NEXMIF: variants seen among roughly 807,000 people sequenced by gnomAD.
NEXMIF encodes XLMR protein related to neurite extension.
NEXMIF carries 8 observed loss-of-function variants against 62.1 expected under a neutral mutation model. The observed-to-expected ratio is 0.13, with a 90% CI of 0.08 to 0.23. NEXMIF has a LOEUF of 0.23. Among genes scored for constraint, NEXMIF ranks in the 10% least tolerant of loss-of-function variants. NEXMIF has a pLI of 1.00. For missense variants in NEXMIF, 976 were observed against 1,113.3 expected (o/e 0.88, Z 1.75); for synonymous variants, 404 against 416.6 (o/e 0.97, Z 0.37).
At chrX:74,866,115 C>G (rs751088094) in intron 1 of NEXMIF, among the ~76,000 whole-genome samples, 6 of 111,734 alleles carry the variant, frequency 5.4e-5, no homozygotes, top group Non-Finnish European at 1.1e-4. Context: ...AAACTCAAAG[C>G]TAATCGGTGA....
chrX:74,882,507 A>G (rs1276473845), intron 1 of NEXMIF, among the ~76,000 whole-genome samples: 1 of 108,072 alleles, frequency 9.3e-6, no homozygotes. Flanking sequence ...ATATCCCACA[A>G]CTGGCTCGGA....
chrX:74,740,494 A>G lies in NEXMIF; in HGVS notation c.4063T>C (p.Tyr1355His), dbSNP rs371274442. ...TTTAGACTATTGGACTCAGGGGAGT[A>G]GAATATGTTGGGATCCCCATGGTGC... ...MEHHGDPNIF[Y>H]SPESNSLKLK... Residue 1355 changes from tyrosine (Y) to histidine (H), a missense_variant, in exon 3 of 4, where the codon TAC becomes CAC. Coordinates refer to ENST00000055682, the MANE Select transcript of NEXMIF (RefSeq NM_001008537.3). The G allele has an allele frequency of 5.0e-6, 6 of 1,209,513 alleles. No homozygotes were observed. Among genetic ancestry groups the G allele is most frequent in the Non-Finnish European group, 6.7e-6 (6 of 894,983 alleles).
At position 74,741,522 on chromosome X, in the gene NEXMIF, T is replaced by C. The variant is rs886086959; in HGVS notation, c.3035A>G (p.Lys1012Arg). 5.0e-6 allele frequency: 6 copies of C among 1,209,850 alleles called. No individual in the cohort carries two copies. The highest frequency in any genetic ancestry group is 5.6e-6 in the Non-Finnish European group (5 of 895,203). The change falls in exon 3 of 4, where the codon AAG becomes AGG. Residue 1012 changes from lysine (K) to arginine (R), a missense_variant. By Grantham distance (26) the Lys-to-Arg change is conservative. Transcript: ENST00000055682. ...SSSNYCSLSL[K>R]SCEKDGDDDI... ...ATCATCGCCATCCTTTTCACAGGACTTCAAGCTTAAGGAGCAATAATTACT... is the reference window on the plus strand; with the variant it reads ...ATCATCGCCATCCTTTTCACAGGACCTCAAGCTTAAGGAGCAATAATTACT...
intron 1 of NEXMIF, chrX:74,769,757 T>C: frequency 1.8e-6 from 1 of 561,546 alleles, no homozygotes; most frequent in South Asian, 2.4e-5. Context: ...ACTGCAGTAC[T>C]TGGAGAGATT....
chrX:74,877,628 C>T (rs1264540302), intron 1 of NEXMIF, among the ~76,000 whole-genome samples: 1 of 111,573 alleles, frequency 9.0e-6, no homozygotes, highest in African/African-American at 3.3e-5. Flanking sequence ...TCAGGTACAC[C>T]AATCAGACGT....
At chrX:74,745,422 G>A in intron 2 of NEXMIF, 150 bp downstream of exon 2, 1 of 459,958 alleles carries the variant, frequency 2.2e-6, no homozygotes, top group Non-Finnish European at 3.9e-6. Context: ...AGCCAAGTTA[G>A]ATATTTGGTG....
intron 1 of NEXMIF, among the ~76,000 whole-genome samples, chrX:74,838,328 A>G (rs983596817): frequency 8.9e-6 from 1 of 112,056 alleles, no homozygotes; most frequent in African/African-American, 3.2e-5. Context: ...AAAACATTTT[A>G]AATTGAGCTT....
chrX:74,794,682 G>C lies in NEXMIF; in HGVS notation c.-47-48985C>G, dbSNP rs772400484. On this transcript the variant is annotated intron_variant, in intron 1 of 3. Transcript: ENST00000055682. The stretch of plus-strand genomic sequence containing the variant: ...GGTGCGGGATATAATCTCGTGGTGC[G>C]CCTTTTTTTAAGCCCGTCGGAAAAG... Among the ~76,000 whole-genome samples, 824 of 111,994 alleles carry C rather than the reference G, an allele frequency of 7.4e-3. 4 individuals carry two copies. Among genetic ancestry groups the C allele is most frequent in the Non-Finnish European group, 0.013 (686 of 53,121 alleles).
chrX:74,845,068 T>C (rs1315692313), intron 1 of NEXMIF, among the ~76,000 whole-genome samples: 1 of 112,091 alleles, frequency 8.9e-6, no homozygotes, highest in African/African-American at 3.2e-5. Flanking sequence ...TATGTACATA[T>C]ATCACTTCTT....
chrX:74,862,773 A>G (rs1433117690), intron 1 of NEXMIF, among the ~76,000 whole-genome samples: 1 of 112,022 alleles, frequency 8.9e-6, no homozygotes, highest in Non-Finnish European at 1.9e-5. Context: ...GAAATCAAAA[A>G]GTTCTTTGAA....
chrX:74,920,826 G>T (rs2080824484), intron 1 of NEXMIF, among the ~76,000 whole-genome samples: 1 of 111,052 alleles, frequency 9.0e-6, no homozygotes, highest in Admixed American at 9.6e-5. Context: ...TAGCACTCAG[G>T]CCCAAGGTAT....
At chrX:74,855,973 T>C (rs1452793575) in intron 1 of NEXMIF, among the ~76,000 whole-genome samples, 6 of 112,300 alleles carry the variant, frequency 5.3e-5, no homozygotes, top group Non-Finnish European at 9.4e-5. Flanking sequence ...GCAGATATGC[T>C]ACATTGTATT....
At chrX:74,793,977 G>A (rs1366883499) in intron 1 of NEXMIF, among the ~76,000 whole-genome samples, 4 of 84,686 alleles carry the variant, frequency 4.7e-5, no homozygotes, top group Non-Finnish European at 9.4e-5. Context: ...CTCTCAGCTC[G>A]TCAAAGTCAT....
At chrX:74,852,779 C>CT (rs1458614978) in intron 1 of NEXMIF, among the ~76,000 whole-genome samples, 1 of 111,271 alleles carries the variant, frequency 9.0e-6, no homozygotes, top group Non-Finnish European at 1.9e-5. Flanking sequence ...GACACCAAAA[C>CT]TTACAGGACA....
chrX:74,828,355 G>T (rs2080425091), intron 1 of NEXMIF, among the ~76,000 whole-genome samples: 2 of 111,918 alleles, frequency 1.8e-5, no homozygotes, highest in African/African-American at 6.5e-5. Flanking sequence ...AAAGTTCCAA[G>T]TACTACAACA....
chrX:74,750,990 G>T (rs1401754516), intron 1 of NEXMIF, among the ~76,000 whole-genome samples: 1 of 111,563 alleles, frequency 9.0e-6, no homozygotes, highest in Admixed American at 9.6e-5. Context: ...CACTTTGGGA[G>T]GCTGAGGTGG....
At chrX:74,825,844 C>T (rs779879594) in intron 1 of NEXMIF, among the ~76,000 whole-genome samples, 2 of 112,532 alleles carry the variant, frequency 1.8e-5, no homozygotes, top group Non-Finnish European at 3.8e-5. Flanking sequence ...TGAGCCACCA[C>T]CCGGCCATGA....
chrX:74,900,937 G>A (rs1291703560), intron 1 of NEXMIF, among the ~76,000 whole-genome samples: 3 of 112,011 alleles, frequency 2.7e-5, no homozygotes, highest in Non-Finnish European at 5.6e-5. Flanking sequence ...TTTACATGAG[G>A]TATTTAGAGT....
chrX:74,843,589 T>C (rs2080481293), intron 1 of NEXMIF, among the ~76,000 whole-genome samples: 1 of 110,910 alleles, frequency 9.0e-6, no homozygotes, highest in African/African-American at 3.3e-5. Flanking sequence ...TAATTTTTTG[T>C]ATTTTTAGTA....
Sources: gnomAD v4.1 joint callset for allele counts (sites outside exome capture counted in the v4.1 genomes callset) on GRCh38, gnomAD v4.1.1 for gene constraint, MANE v1.5 for transcripts, NCBI Gene and HGNC (gene_info 2026-07-23, HGNC 2026-07-21) for gene names.